The following FMO1 variants were observed in gnomAD, a reference collection of about 807,000 sequenced individuals.
FMO1 encodes flavin-containing monooxygenase 1.
FMO1 carries 36 observed loss-of-function variants against 45.4 expected under a neutral mutation model. The ratio of observed to expected loss-of-function variants is 0.79; its 90% confidence interval spans 0.61 to 1.05. The LOEUF is 1.05. Ranked by LOEUF, FMO1 falls within the 50% of genes least tolerant of loss-of-function variation. FMO1 has a pLI of 0.00. For missense variants in FMO1, 615 were observed against 640.3 expected (o/e 0.96, Z 0.43); for synonymous variants, 228 against 227.2 (o/e 1.00, Z -0.03).
At chr1:171,274,105 C>T (rs1414047401) in intron 3 of FMO1, among the ~76,000 whole-genome samples, 1 of 148,638 alleles carries the variant, frequency 6.7e-6, no homozygotes, top group Non-Finnish European at 1.5e-5. Context: ...GCCGAGATTG[C>T]ACCACTGCAC....
At chr1:171,267,206 T>G (rs1179733568) in intron 2 of FMO1, among the ~76,000 whole-genome samples, 1 of 152,204 alleles carries the variant, frequency 6.6e-6, no homozygotes, top group African/African-American at 2.4e-5. Context: ...ACGAGAGTTA[T>G]CTTTCCAAAA....
chr1:171,265,826 T>C (rs1558008896), intron 2 of FMO1, among the ~76,000 whole-genome samples: 2 of 152,228 alleles, frequency 1.3e-5, no homozygotes, highest in South Asian at 4.1e-4. Context: ...GGGGATAATG[T>C]GTATCTAAAC....
chr1:171,279,901 G>A (rs970893286), intron 5 of FMO1, among the ~76,000 whole-genome samples: 1 of 151,962 alleles, frequency 6.6e-6, no homozygotes, highest in Non-Finnish European at 1.5e-5. Flanking sequence ...CTTTGCTCAC[G>A]CTACCCCTCT....
In FMO1 at chr1:171,252,999, G is replaced by C. The variant is rs148411092; in HGVS notation, c.-7+4376G>C. Among the ~76,000 whole-genome samples the C allele has an allele frequency of 9.9e-3, 1,511 of 152,282 alleles. 12 individuals are homozygous for C. Among genetic ancestry groups the C allele is most frequent in the Non-Finnish European group, 0.017 (1,158 of 68,026 alleles). On this transcript the variant is annotated intron_variant, in intron 1 of 8. Transcript: ENST00000617670. ...TGAGAGTGAAGCTGATATTGATATT[G>C]TGCGCCTCCACATTCATGTGCTCTC... is the stretch of plus-strand genomic sequence containing the variant.
In FMO1 at chr1:171,281,977, G is replaced by C; in HGVS notation, c.828-1G>C. ...TCCTCCCTGTTCATGTTTTTGTTTA[G>C]GACTCAGCTGAAAGAGTTTGTGCTA... On this transcript the variant is annotated splice_acceptor_variant, in intron 6 of 8. Transcript: ENST00000617670. LOFTEE classifies it high-confidence loss of function. The C allele has an allele frequency of 2.5e-6, 4 of 1,586,554 alleles. No individual in the cohort carries two copies. The highest frequency in any genetic ancestry group is 3.4e-6 in the Non-Finnish European group (4 of 1,164,886).
At chr1:171,263,774 C>T (rs535345297) in intron 2 of FMO1, among the ~76,000 whole-genome samples, 4 of 152,294 alleles carry the variant, frequency 2.6e-5, no homozygotes, top group Non-Finnish European at 4.4e-5. Context: ...AGGTACAATT[C>T]CCAGAGTGTC....
intron 4 of FMO1, 147 bp from the exon 5 acceptor site, chr1:171,278,582 C>T (rs766513543): frequency 1.8e-6 from 1 of 557,910 alleles, no homozygotes; most frequent in Non-Finnish European, 3.2e-6. Flanking sequence ...CTTGTAAAGT[C>T]ATGTATTCAT....
rs1297190287 is a variant in FMO1, at chr1:171,278,823, A to G, written c.579A>G (p.Gly193=). ...KDKRVLVIGM[G]NSGTDIAVEA... ...AGAGAGTCCTTGTGATTGGAATGGG[A>G]AATTCTGGCACAGACATTGCTGTGG... Residue 193 remains glycine (G), a synonymous_variant, in exon 5 of 9, where the codon GGA becomes GGG. Transcript: ENST00000617670. The G allele has an allele frequency of 6.2e-7, 1 of 1,613,078 alleles. No homozygotes were observed. Among genetic ancestry groups the G allele is most frequent in the Admixed American group, 1.7e-5 (1 of 59,970 alleles).
chr1:171,271,597 A>AT (rs1660871363), intron 3 of FMO1: 6 of 772,844 alleles, frequency 7.8e-6, no homozygotes, highest in South Asian at 4.1e-5. Context: ...ATGTTTAGTT[A>AT]TTTTTCCCCA....
intron 3 of FMO1, among the ~76,000 whole-genome samples, chr1:171,269,201 G>A (rs537242620): frequency 3.3e-5 from 5 of 152,254 alleles, no homozygotes; most frequent in Non-Finnish European, 7.4e-5. Flanking sequence ...GGGAGCTGGT[G>A]AAAAGATATC....
At chr1:171,260,879 C>A (rs1660350059) in intron 2 of FMO1, among the ~76,000 whole-genome samples, 1 of 136,404 alleles carries the variant, frequency 7.3e-6, no homozygotes, top group Admixed American at 8.2e-5. Context: ...TACCACTGCA[C>A]TCCAGCCTGG....
chr1:171,264,706 G>T (rs535800938), intron 2 of FMO1, among the ~76,000 whole-genome samples: 209 of 152,068 alleles, frequency 1.4e-3, no homozygotes, highest in African/African-American at 4.8e-3. Context: ...TGGCTAACAT[G>T]GTGAAACCCC....
At chr1:171,260,678 C>G (rs1660340675) in intron 2 of FMO1, among the ~76,000 whole-genome samples, 1 of 151,860 alleles carries the variant, frequency 6.6e-6, no homozygotes, top group Admixed American at 6.6e-5. Flanking sequence ...CGCCTGTAAT[C>G]CCAGCACTTT....
intron 1 of FMO1, among the ~76,000 whole-genome samples, chr1:171,254,662 A>G (rs1660070656): frequency 6.6e-6 from 1 of 152,176 alleles, no homozygotes; most frequent in African/African-American, 2.4e-5. Context: ...AGAGTAAGGC[A>G]AGCTTACTGT....
chr1:171,270,190 A>G (rs1274295094), intron 3 of FMO1, among the ~76,000 whole-genome samples: 1 of 152,208 alleles, frequency 6.6e-6, no homozygotes, highest in Non-Finnish European at 1.5e-5. Context: ...GACTAATTTC[A>G]AAATGTTGGA....
chr1:171,276,553 A>C (rs1324791068), intron 4 of FMO1, among the ~76,000 whole-genome samples: 1 of 152,206 alleles, frequency 6.6e-6, no homozygotes, highest in African/African-American at 2.4e-5. Flanking sequence ...AGGAGTACCT[A>C]GTCACTGCAA....
intron 5 of FMO1, 122 bp from the exon 6 acceptor site, chr1:171,280,664 T>G: frequency 1.4e-6 from 1 of 714,840 alleles, no homozygotes; most frequent in Non-Finnish European, 2.5e-6. Flanking sequence ...TTGTCAGGGG[T>G]GTATTTTGAG....
intron 1 of FMO1, among the ~76,000 whole-genome samples, chr1:171,255,461 T>C (rs552696775): frequency 6.6e-6 from 1 of 152,338 alleles, no homozygotes; most frequent in East Asian, 1.9e-4. Context: ...CCAGCTGTAC[T>C]TCCCTCTGCT....
At chr1:171,268,073 C>T (rs1406543662) in intron 3 of FMO1, among the ~76,000 whole-genome samples, 1 of 152,122 alleles carries the variant, frequency 6.6e-6, no homozygotes, top group Non-Finnish European at 1.5e-5. Context: ...CCCCAGTCTC[C>T]TGTTTGGTTT....
Sources: allele counts gnomAD v4.1 joint callset (sites outside exome capture counted in the v4.1 genomes callset), GRCh38; gene constraint gnomAD v4.1.1; transcripts MANE v1.5; gene names NCBI Gene and HGNC (gene_info 2026-07-23, HGNC 2026-07-21).